Variants in EPAS1 observed in about 807,000 individuals in gnomAD.
EPAS1 encodes the protein endothelial PAS domain protein 1.
EPAS1 carries 23 observed loss-of-function variants against 87.9 expected under a neutral mutation model. The ratio of observed to expected loss-of-function variants is 0.26; its 90% CI spans 0.19 to 0.37. EPAS1 has a LOEUF of 0.37. EPAS1 is among the 10% of genes least tolerant of loss of function. The pLI is 1.00. For missense variants in EPAS1, 1,138 were observed against 1,120.7 expected (o/e 1.02, Z -0.22); for synonymous variants, 508 against 444.3 (o/e 1.14, Z -1.80).
rs994139704 is a variant in EPAS1 at position 46,382,175 on chromosome 2, C to A, written c.2287+86C>A. 288 of 1,293,384 alleles carry A rather than the reference C, an allele frequency of 2.2e-4. 1 individual carries two copies. The highest frequency in any genetic ancestry group is 3.5e-5 in the Non-Finnish European group (32 of 916,834). The allele number at this position is 1,293,384 out of a possible 1,614,324, so 80.1% of individuals were successfully genotyped here. A position where few individuals can be genotyped will look rare whatever the true frequency, so the allele number is the denominator to read the frequency against. The stretch of plus-strand genomic sequence containing the variant: ...GAGCCCATCCTGGTTCTTCCATTCA[C>A]CACAGGCCGTACCTGCCTCTCTGAG... On this transcript the variant is annotated intron_variant, in intron 14 of 15. Transcript: ENST00000263734.
At chr2:46,302,734 GAAAAAAAAA>G (rs368452487) in intron 1 of EPAS1, among the ~76,000 whole-genome samples, 221 of 119,536 alleles carry the variant, frequency 1.8e-3, no homozygotes, top group South Asian at 3.7e-3. Context: ...GTCTGATTAG[GAAAAAAAAA>G]AAAAAAAAAA....
At chr2:46,377,059 G>A (rs1684767788) in intron 9 of EPAS1, among the ~76,000 whole-genome samples, 3 of 152,196 alleles carry the variant, frequency 2.0e-5, no homozygotes, top group African/African-American at 7.2e-5. Flanking sequence ...ATGAGAGGGA[G>A]GGGAGAGGTG....
chr2:46,328,682 T>C (rs571585028), intron 1 of EPAS1, among the ~76,000 whole-genome samples: 27 of 152,340 alleles, frequency 1.8e-4, no homozygotes, highest in African/African-American at 6.5e-4. Flanking sequence ...CATGAGTATA[T>C]ATCATATCTA....
chr2:46,356,134 C>T lies in EPAS1; in HGVS notation c.218-17C>T, dbSNP rs758765461. The T allele has an allele frequency of 1.1e-6, 1 of 899,800 alleles. No individual in the cohort carries two copies. The highest frequency in any genetic ancestry group is 1.6e-6 in the Non-Finnish European group (1 of 628,776). 55.7% of individuals were successfully genotyped at this position (899,800 alleles called of 1,614,324 possible). ...CTCCACATTCATGCAAGCTGTCCCA[C>T]CCCCCCCCCTTTCCAGTTTGCTCTG... On this transcript the variant is annotated splice_polypyrimidine_tract_variant and intron_variant, in intron 2 of 15. Coordinates refer to ENST00000263734, the MANE Select transcript of EPAS1 (RefSeq NM_001430.5).
Position 46,341,010 on chromosome 2 carries a change from G to A in EPAS1, c.27-5863G>A, listed in dbSNP as rs77238140. ...GCTGTGATTATAGGCATGAGTCACT[G>A]TGCCTGGCCTATTTTCTGTTTTCAC... On this transcript the variant is annotated intron_variant, in intron 1 of 15. Coordinates refer to ENST00000263734, the MANE Select transcript of EPAS1 (RefSeq NM_001430.5). 8.9e-4 allele frequency among the ~76,000 whole-genome samples: 135 copies of A among 152,296 alleles called. 1 individual carries two copies. The East Asian group carries it at 0.023, about 26-fold the overall frequency.
chr2:46,311,679 T>C (rs1355856498), intron 1 of EPAS1, among the ~76,000 whole-genome samples: 2 of 152,238 alleles, frequency 1.3e-5, no homozygotes, highest in South Asian at 2.1e-4. Context: ...GTTCATTTCC[T>C]TTTCTCTTCC....
At chr2:46,357,049 T>G (rs1684284394) in intron 4 of EPAS1, among the ~76,000 whole-genome samples, 1 of 152,198 alleles carries the variant, frequency 6.6e-6, no homozygotes, top group South Asian at 2.1e-4. Context: ...GGGGACACCT[T>G]TGGGTTAGGA....
chr2:46,356,039 G>T, intron 2 of EPAS1, 112 bp from the exon 3 acceptor site: 2 of 1,226,340 alleles, frequency 1.6e-6, no homozygotes, highest in South Asian at 2.4e-5. Context: ...TGCGTTTCCA[G>T]AAAAGTCCAC....
At chr2:46,352,993 T>C (rs1276956158) in intron 2 of EPAS1, among the ~76,000 whole-genome samples, 1 of 152,254 alleles carries the variant, frequency 6.6e-6, no homozygotes, top group Non-Finnish European at 1.5e-5. Flanking sequence ...GACTATTTCC[T>C]CTGGGACTAG....
intron 1 of EPAS1, chr2:46,335,961 T>C (rs1406491904): frequency 1.3e-5 from 2 of 152,206 alleles, no homozygotes; most frequent in Non-Finnish European, 2.9e-5. Context: ...TAGAGTTCTC[T>C]TGTTCACGCT....
chr2:46,334,112 C>T (rs895802808), intron 1 of EPAS1, among the ~76,000 whole-genome samples: 1 of 152,132 alleles, frequency 6.6e-6, no homozygotes, highest in Non-Finnish European at 1.5e-5. Flanking sequence ...TTTTCCTTGG[C>T]TTTGGTGCCA....
Position 46,384,512 on chromosome 2 carries a change from T to A in EPAS1, c.2465T>A (p.Met822Lys). The A allele has an allele frequency of 6.2e-7, 1 of 1,614,208 alleles. No individual in the cohort carries two copies. Among genetic ancestry groups the A allele is most frequent in the Non-Finnish European group, 8.5e-7 (1 of 1,180,040 alleles). The change falls in exon 16 of 16, where the codon ATG (methionine) becomes AAG (lysine). Residue 822 changes from methionine to lysine, a missense_variant. Met to Lys is a moderately conservative substitution (Grantham distance 95). Around this residue, in one of 4 missense-constraint regions of EPAS1, gnomAD observed 502 missense variants for 427.1 expected, o/e 1.18. Transcript: ENST00000263734. ...ATGGTACCAACCCTTCTTTCAGGCA[T>A]GGCAAGCCGGCTGCTCGGGCCCTCA... ...SLSSAHKVSG[M>K]ASRLLGPSFE...
In EPAS1 at chr2:46,375,540, C is replaced by A; in HGVS notation, c.887-150C>A. The A allele has an allele frequency of 1.1e-6, 1 of 904,164 alleles. No individual in the cohort carries two copies. The highest frequency in any genetic ancestry group is 1.7e-6 in the Non-Finnish European group (1 of 572,218). The allele number at this position is 904,164 out of a possible 1,614,324, so 56.0% of individuals were successfully genotyped here. A position where few individuals can be genotyped will look rare whatever the true frequency, so the allele number is the denominator to read the frequency against. On this transcript the variant is annotated intron_variant, in intron 7 of 15. Coordinates refer to ENST00000263734, the MANE Select transcript of EPAS1 (RefSeq NM_001430.5). This position sits in a 1 kb window ranked among gnomAD's most constrained non-coding sequence, Gnocchi z 4.1. The stretch of plus-strand genomic sequence containing the variant: ...GCTGAGGTGATCCCTAAGCTCCCTC[C>A]CAGGTCACTCTCCCTGGTCCTCACT...
chr2:46,339,297 G>A (rs999957295), intron 1 of EPAS1, among the ~76,000 whole-genome samples: 1 of 152,062 alleles, frequency 6.6e-6, no homozygotes, highest in Admixed American at 6.5e-5. Flanking sequence ...TCTTCACCAC[G>A]GCATTTTTAA....
chr2:46,303,953 G>A (rs375591928), intron 1 of EPAS1, among the ~76,000 whole-genome samples: 44 of 152,292 alleles, frequency 2.9e-4, no homozygotes, highest in African/African-American at 9.1e-4. Flanking sequence ...TGGCGTGTCC[G>A]TCCACCTACA....
chr2:46,352,304 A>G (rs536451539), intron 2 of EPAS1, among the ~76,000 whole-genome samples: 2 of 152,312 alleles, frequency 1.3e-5, no homozygotes, highest in Admixed American at 6.5e-5. Flanking sequence ...CTTCCCCACC[A>G]GTCTGTCGAT....
At chr2:46,381,899 G>GGCCCCCC in intron 13 of EPAS1, 76 bp from the exon 14 acceptor site, 11 of 1,346,798 alleles carry the variant, frequency 8.2e-6, no homozygotes, top group East Asian at 7.4e-5. Context: ...CCTGTTCCAG[G>GGCCCCCC]CCCACCCAAC....
intron 2 of EPAS1, among the ~76,000 whole-genome samples, chr2:46,353,379 G>T (rs1230185183): frequency 1.3e-5 from 2 of 152,186 alleles, no homozygotes; most frequent in Non-Finnish European, 2.9e-5. Flanking sequence ...CCCGTCCAGG[G>T]CCAGCTTCAT....
At chr2:46,352,625 A>C (rs1314767283) in intron 2 of EPAS1, among the ~76,000 whole-genome samples, 1 of 151,890 alleles carries the variant, frequency 6.6e-6, no homozygotes, top group Non-Finnish European at 1.5e-5. Flanking sequence ...CCCAGTTTTC[A>C]CTCTCAGCTC....
Sources: gnomAD v4.1 joint callset for allele counts (sites outside exome capture counted in the v4.1 genomes callset) on GRCh38, gnomAD v4.1.1 for gene constraint, gnomAD v4.1.1 regional missense constraint, Gnocchi (gnomAD v3.1) non-coding constraint, MANE v1.5 for transcripts, NCBI Gene and HGNC (gene_info 2026-07-23, HGNC 2026-07-21) for gene names.